RPH3A: variants seen among roughly 807,000 people sequenced by gnomAD.
RPH3A encodes the protein rabphilin 3A.
In RPH3A, 48 loss-of-function variants were observed where a neutral mutation model predicts 102.2. The ratio of observed to expected loss-of-function variants is 0.47; its 90% CI spans 0.37 to 0.60. The LOEUF (loss-of-function observed/expected upper bound fraction) is 0.60, where lower values mean the gene tolerates loss of function less well. Ranked by LOEUF, RPH3A falls within the 20% of genes least tolerant of loss-of-function variation. The probability of loss-of-function intolerance (pLI) is 0.00; values close to 1 mark genes in which losing one functional copy is unlikely to be tolerated. For synonymous variants in RPH3A, 310 were observed against 324.3 expected, an observed-to-expected ratio of 0.96 and a Z score of 0.47; for missense variants, 781 against 910.1, an observed-to-expected ratio of 0.86 and a Z score of 1.83.
intron 1 of RPH3A, among the ~76,000 whole-genome samples, chr12:112,595,816 G>A (rs1049480074): frequency 1.3e-5 from 2 of 152,030 alleles, no homozygotes; most frequent in African/African-American, 4.8e-5. Context: ...ATTGATTTCC[G>A]TCCTCCCTGG....
At chr12:112,797,058 A>G (rs1478851418) in intron 2 of RPH3A, among the ~76,000 whole-genome samples, 4 of 152,044 alleles carry the variant, frequency 2.6e-5, no homozygotes, top group Admixed American at 2.6e-4. Context: ...AAAAGACACG[A>G]TCCTTTTTGG....
intron 1 of RPH3A, among the ~76,000 whole-genome samples, chr12:112,630,248 T>C (rs2039794723): frequency 6.6e-6 from 1 of 152,172 alleles, no homozygotes; most frequent in African/African-American, 2.4e-5. Context: ...GAGATGCTTT[T>C]CCCATATCTT....
intron 2 of RPH3A, among the ~76,000 whole-genome samples, chr12:112,800,050 C>A (rs564800912): frequency 6.6e-6 from 1 of 152,144 alleles, no homozygotes; most frequent in Non-Finnish European, 1.5e-5. Flanking sequence ...GAGTTCCCTG[C>A]CCCCTGAAGC....
rs115867614 is a variant in RPH3A at position 112,630,932 on chromosome 12, A to G, written c.-140+55613A>G. 2.2e-3 allele frequency among the ~76,000 whole-genome samples: 335 copies of G among 152,240 alleles called. 2 individuals carry two copies. The highest frequency in any genetic ancestry group is 7.9e-3 in the African/African-American group (329 of 41,526). ...TCCCTGGGGTGGGAGATGATGGCTA[A>G]CCCTGACACTCAGCTAGCTTAATTA... On this transcript the variant is annotated intron_variant, in intron 1 of 21. Coordinates refer to the RPH3A transcript ENST00000543106.
Position 112,865,563 on chromosome 12 carries a change from C to G in RPH3A, c.360+20C>G, listed in dbSNP as rs562120892. 14 of 1,610,878 alleles carry G rather than the reference C, an allele frequency of 8.7e-6. No individual in the cohort carries two copies. Among genetic ancestry groups the G allele is most frequent in the Non-Finnish European group, 1.0e-5 (12 of 1,179,042 alleles). On this transcript the variant is annotated intron_variant, in intron 6 of 21. Coordinates refer to ENST00000389385, the MANE Select transcript of RPH3A (RefSeq NM_001143854.2). Reference sequence around the variant, plus strand: ...AAGAAGGTATCATCATCCTCTTCTCCCTTCTTCCCTGTGCAGCACCTGCAG... The same window carrying G: ...AAGAAGGTATCATCATCCTCTTCTCGCTTCTTCCCTGTGCAGCACCTGCAG...
chr12:112,693,239 G>A (rs1467864725), intron 1 of RPH3A, among the ~76,000 whole-genome samples: 2 of 152,184 alleles, frequency 1.3e-5, no homozygotes, highest in African/African-American at 2.4e-5. Context: ...TGACCCATTG[G>A]ATGGTATTTA....
At chr12:112,656,429 C>G (rs2040011740) in intron 1 of RPH3A, among the ~76,000 whole-genome samples, 1 of 152,220 alleles carries the variant, frequency 6.6e-6, no homozygotes, top group Non-Finnish European at 1.5e-5. Flanking sequence ...TCTTCCAGAA[C>G]TTATCAGTAT....
At position 112,785,642 on chromosome 12, in the gene RPH3A, T is replaced by C. The variant is rs2214518; in HGVS notation, c.-139-6501T>C. The stretch of plus-strand genomic sequence containing the variant: ...GTGCTTTAACGTATGTTAGCTAATG[T>C]GATCCTAACAACAACCATATAAGGA... On this transcript the variant is annotated intron_variant, in intron 1 of 21. Coordinates refer to the RPH3A transcript ENST00000543106. 9.0e-3 allele frequency among the ~76,000 whole-genome samples: 1,367 copies of C among 152,262 alleles called. 19 individuals carry two copies. The highest frequency in any genetic ancestry group is 0.031 in the African/African-American group (1,278 of 41,562).
At chr12:112,592,192 C>G (rs1367571723) in intron 1 of RPH3A, among the ~76,000 whole-genome samples, 1 of 152,072 alleles carries the variant, frequency 6.6e-6, no homozygotes, top group South Asian at 2.1e-4. Flanking sequence ...GCCTGGGTAA[C>G]ATGGCAAAAC....
intron 1 of RPH3A, among the ~76,000 whole-genome samples, chr12:112,679,760 G>T (rs1287791202): frequency 6.6e-6 from 1 of 152,226 alleles, no homozygotes; most frequent in Non-Finnish European, 1.5e-5. Context: ...TGTGCCAGGG[G>T]TTTGTCATAC....
At chr12:112,603,686 C>T (rs1046549538) in intron 1 of RPH3A, among the ~76,000 whole-genome samples, 6 of 152,162 alleles carry the variant, frequency 3.9e-5, no homozygotes, top group South Asian at 4.1e-4. Flanking sequence ...GGACATTCCT[C>T]GGCTTGGGAC....
rs914946048 is a variant in RPH3A at position 112,671,891 on chromosome 12, A to ACC, written c.-140+96575_-140+96576dup. ...TATCTACACACACACACACACACAC[A>ACC]CCCCAATAGGATATATATACACACA... On this transcript the variant is annotated intron_variant, in intron 1 of 21. Transcript: ENST00000543106. Among the ~76,000 whole-genome samples, 5 of 150,970 alleles carry ACC rather than the reference A, an allele frequency of 3.3e-5. No individual in the cohort carries two copies. The East Asian group carries it at 5.8e-4, about 18-fold the overall frequency.
intron 19 of RPH3A, chr12:112,894,280 A>G (rs1400535115): frequency 4.6e-6 from 2 of 431,800 alleles, no homozygotes; most frequent in Admixed American, 4.4e-5. Flanking sequence ...TCTGGATTCA[A>G]TCCCAGCTGT....
At chr12:112,751,768 T>C (rs1035781992) in intron 1 of RPH3A, among the ~76,000 whole-genome samples, 3 of 152,182 alleles carry the variant, frequency 2.0e-5, no homozygotes, top group Non-Finnish European at 4.4e-5. Context: ...AGAAAAGGTT[T>C]TTAAATAAAA....
At chr12:112,706,839 C>T (rs1472259101) in intron 1 of RPH3A, among the ~76,000 whole-genome samples, 9 of 152,152 alleles carry the variant, frequency 5.9e-5, no homozygotes, top group Admixed American at 5.9e-4. Context: ...CAGAAACAGA[C>T]TTAAGCTTAC....
At chr12:112,696,521 G>A (rs915388258) in intron 1 of RPH3A, among the ~76,000 whole-genome samples, 2 of 152,202 alleles carry the variant, frequency 1.3e-5, no homozygotes, top group African/African-American at 4.8e-5. Context: ...GACCTCTGGT[G>A]GGCCTGACTC....
chr12:112,891,132 G>T, intron 19 of RPH3A, 129 bp downstream of exon 19: 1 of 1,051,100 alleles, frequency 9.5e-7, no homozygotes, highest in Non-Finnish European at 1.4e-6. Context: ...CCTGCCCAAG[G>T]TCACAGTGAA....
At chr12:112,605,606 G>T (rs3825205) in intron 1 of RPH3A, among the ~76,000 whole-genome samples, 40,870 of 152,030 alleles carry the variant, frequency 0.27, 9,883 homozygotes, top group East Asian at 0.67. Context: ...CTTTGCCCTT[G>T]TATTAAATAG....
chr12:112,869,485 C>A, intron 8 of RPH3A: 1 of 397,294 alleles, frequency 2.5e-6, no homozygotes, highest in South Asian at 4.8e-5. Context: ...CACTAAAATA[C>A]TCCTTCTTCC....
Sources: gnomAD v4.1 joint callset for allele counts (sites outside exome capture counted in the v4.1 genomes callset) on GRCh38, gnomAD v4.1.1 for gene constraint, MANE v1.5 for transcripts, NCBI Gene and HGNC (gene_info 2026-07-23, HGNC 2026-07-21) for gene names.